PTPRT: variants seen among roughly 807,000 people sequenced by gnomAD.
PTPRT encodes protein tyrosine phosphatase receptor type T.
A neutral mutation model predicts 176.8 loss-of-function variants in PTPRT; 56 were observed. The ratio of observed to expected loss-of-function variants is 0.32; its 90% CI spans 0.26 to 0.40. PTPRT has a LOEUF of 0.40. Among genes scored for constraint, PTPRT ranks in the 10% least tolerant of loss-of-function variants. The pLI, the probability that PTPRT is intolerant of heterozygous loss-of-function variation, is 1.00. For synonymous variants in PTPRT, 783 were observed against 739.0 expected (o/e 1.06, Z -0.96); for missense variants, 1,540 against 1,908.2 (o/e 0.81, Z 3.60).
chr20:42,032,312 G>A, the PTPRT span, among the ~76,000 whole-genome samples: 1 of 152,156 alleles, frequency 6.6e-6, no homozygotes, highest in Non-Finnish European at 1.5e-5. Context: ...CTTTCTTCAA[G>A]AAGATGGTTC....
intron 9 of PTPRT, among the ~76,000 whole-genome samples, chr20:42,391,483 G>A (rs533526125): frequency 2.0e-5 from 3 of 152,250 alleles, no homozygotes; most frequent in South Asian, 2.1e-4. Context: ...TGTGGGGCAC[G>A]GACACTACCA....
At position 43,055,252 on chromosome 20, in the gene PTPRT, T is replaced by C. The variant is rs556905831; in HGVS notation, c.88+134394A>G. Among the ~76,000 whole-genome samples, 47 of 152,276 alleles carry C rather than the reference T, an allele frequency of 3.1e-4. 1 individual carries two copies. The highest frequency in any genetic ancestry group is 2.9e-3 in the Admixed American group (44 of 15,294). On this transcript the variant is annotated intron_variant, in intron 1 of 30. Transcript: ENST00000373187. ...GCTGAACTACTCTGGTCCCCAGGCATGCAGGAATCAACTTCAGAAACATGA... is the reference window on the plus strand; with the variant it reads ...GCTGAACTACTCTGGTCCCCAGGCACGCAGGAATCAACTTCAGAAACATGA...
At position 42,604,514 on chromosome 20, in the gene PTPRT, CT is replaced by C. The variant is rs113687867; in HGVS notation, c.1153+73351del. On this transcript the variant is annotated intron_variant, in intron 7 of 30. Coordinates refer to ENST00000373187, the MANE Select transcript of PTPRT (RefSeq NM_007050.6). ...ATGCCTCAGTAGCAGATTTAGTTCT[CT>C]TTTTTTTTTCTCCTGATTGTGTTCC... 8.7e-5 allele frequency among the ~76,000 whole-genome samples: 13 copies of C among 150,016 alleles called. 1 individual carries two copies. The highest frequency in any genetic ancestry group is 2.1e-4 in the South Asian group (1 of 4,706).
At chr20:42,369,767 A>G (rs1467533196) in intron 9 of PTPRT, among the ~76,000 whole-genome samples, 1 of 152,200 alleles carries the variant, frequency 6.6e-6, no homozygotes, top group Non-Finnish European at 1.5e-5. Flanking sequence ...GAAAAGGAAG[A>G]GAAGCCTGGG....
intron 1 of PTPRT, among the ~76,000 whole-genome samples, chr20:43,066,251 G>A (rs925042140): frequency 5.3e-5 from 8 of 152,132 alleles, no homozygotes; most frequent in Admixed American, 1.3e-4. Context: ...ATGCAAGAAG[G>A]ACTTGGCTCG....
chr20:42,462,682 T>C (rs2071040472), intron 8 of PTPRT, among the ~76,000 whole-genome samples: 1 of 152,150 alleles, frequency 6.6e-6, no homozygotes, highest in Non-Finnish European at 1.5e-5. Context: ...AAAAGTGGCC[T>C]TTTGCCCAGG....
chr20:42,994,589 G>A (rs909572747), intron 1 of PTPRT, among the ~76,000 whole-genome samples: 1 of 152,048 alleles, frequency 6.6e-6, no homozygotes, highest in Admixed American at 6.6e-5. Context: ...CAACCAAAAA[G>A]CCACTGAAAT....
intron 1 of PTPRT, among the ~76,000 whole-genome samples, chr20:42,979,933 C>CT (rs1205658000): frequency 1.6e-4 from 18 of 109,996 alleles, no homozygotes; most frequent in African/African-American, 4.0e-4. Flanking sequence ...TGGAGGGGGT[C>CT]TTTTTGAGAT....
At chr20:42,763,263 G>T (rs1237112651) in intron 5 of PTPRT, among the ~76,000 whole-genome samples, 1 of 152,114 alleles carries the variant, frequency 6.6e-6, no homozygotes, top group African/African-American at 2.4e-5. Flanking sequence ...TACAAAAATG[G>T]CTGTCATTAT....
intron 13 of PTPRT, among the ~76,000 whole-genome samples, chr20:42,252,018 T>C (rs2056558401): frequency 6.6e-6 from 1 of 152,206 alleles, no homozygotes; most frequent in Non-Finnish European, 1.5e-5. Context: ...GAGTTGATAG[T>C]TGCTTAGGCT....
intron 1 of PTPRT, among the ~76,000 whole-genome samples, chr20:43,024,054 G>A (rs995858569): frequency 1.3e-5 from 2 of 152,170 alleles, no homozygotes; most frequent in Non-Finnish European, 2.9e-5. Context: ...CGGGGAGCTG[G>A]GGAATGAGCA....
chr20:42,708,415 C>G (rs968984306), intron 6 of PTPRT, among the ~76,000 whole-genome samples: 8 of 152,188 alleles, frequency 5.3e-5, no homozygotes, highest in Admixed American at 3.3e-4. Context: ...TAAAATTCCA[C>G]TGGAGAGAGA....
chr20:42,220,989 G>A (rs958706031), intron 15 of PTPRT, among the ~76,000 whole-genome samples: 1 of 152,024 alleles, frequency 6.6e-6, no homozygotes, highest in East Asian at 1.9e-4. Flanking sequence ...AGTTGGTAGA[G>A]TTTTTTTGTT....
At chr20:42,608,499 G>A (rs2073921067) in intron 7 of PTPRT, among the ~76,000 whole-genome samples, 1 of 152,078 alleles carries the variant, frequency 6.6e-6, no homozygotes, top group African/African-American at 2.4e-5. Flanking sequence ...AACAATGCTG[G>A]GATGTTCCAA....
At chr20:42,593,822 TAA>T (rs1176291009) in intron 7 of PTPRT, among the ~76,000 whole-genome samples, 4 of 152,216 alleles carry the variant, frequency 2.6e-5, no homozygotes, top group African/African-American at 9.6e-5. Flanking sequence ...TTGCATTTTT[TAA>T]ACCTTGAATA....
chr20:42,126,030 G>GT (rs1987839085), intron 19 of PTPRT, among the ~76,000 whole-genome samples: 1 of 151,256 alleles, frequency 6.6e-6, no homozygotes, highest in Non-Finnish European at 1.5e-5. Context: ...GGGAGTGGGG[G>GT]GGGGGAGGGG....
Position 42,254,632 on chromosome 20 carries a change from G to T in PTPRT, c.2177-5810C>A, listed in dbSNP as rs541462655. ...TATCACTGGGTAGAAGTGACAGGGGGTAGATTAGGAATCAACACAGGAAAC... is the reference window on the plus strand; with the variant it reads ...TATCACTGGGTAGAAGTGACAGGGGTTAGATTAGGAATCAACACAGGAAAC... On this transcript the variant is annotated intron_variant, in intron 13 of 30. Coordinates refer to ENST00000373187, the MANE Select transcript of PTPRT (RefSeq NM_007050.6). 3.4e-3 allele frequency among the ~76,000 whole-genome samples: 524 copies of T among 152,286 alleles called. 3 individuals carry two copies. Among genetic ancestry groups the T allele is most frequent in the Non-Finnish European group, 3.6e-3 (245 of 68,018 alleles).
At chr20:42,932,792 C>T (rs548917722) in intron 1 of PTPRT, among the ~76,000 whole-genome samples, 5 of 152,302 alleles carry the variant, frequency 3.3e-5, no homozygotes, top group African/African-American at 7.2e-5. Flanking sequence ...CTGAAACAAC[C>T]GCTCCACCTT....
intron 7 of PTPRT, among the ~76,000 whole-genome samples, chr20:42,485,709 A>G (rs1435886507): frequency 6.6e-6 from 1 of 152,156 alleles, no homozygotes; most frequent in African/African-American, 2.4e-5. Context: ...TGATCTTCCA[A>G]GGAATCACAT....
Sources: allele counts gnomAD v4.1 joint callset (sites outside exome capture counted in the v4.1 genomes callset), GRCh38; gene constraint gnomAD v4.1.1; transcripts MANE v1.5; gene names NCBI Gene and HGNC (gene_info 2026-07-23, HGNC 2026-07-21).